The following CACNA2D3 variants were observed in gnomAD, a reference collection of about 807,000 sequenced individuals.
The protein encoded by CACNA2D3 is calcium voltage-gated channel auxiliary subunit alpha2delta 3.
CACNA2D3 carries 60 observed loss-of-function variants against 160.6 expected under a neutral mutation model. The ratio of observed to expected loss-of-function variants is 0.37; its 90% CI spans 0.30 to 0.46. CACNA2D3 has a LOEUF of 0.46. Ranked by LOEUF, CACNA2D3 falls within the 20% of genes least tolerant of loss-of-function variation. CACNA2D3 has a pLI of 1.00. For missense variants in CACNA2D3, 1,205 were observed against 1,365.0 expected (o/e 0.88, Z 1.85); for synonymous variants, 558 against 492.9 (o/e 1.13, Z -1.75).
intron 2 of CACNA2D3, among the ~76,000 whole-genome samples, chr3:54,305,574 A>G (rs1455947288): frequency 6.6e-6 from 1 of 152,270 alleles, no homozygotes; most frequent in Non-Finnish European, 1.5e-5. Flanking sequence ...AGTACACAGG[A>G]TGACTTAGTG....
At chr3:54,462,004 A>G (rs1373203307) in intron 4 of CACNA2D3, among the ~76,000 whole-genome samples, 1 of 152,194 alleles carries the variant, frequency 6.6e-6, no homozygotes, top group African/African-American at 2.4e-5. Context: ...TTCAAAGAAC[A>G]TCTTTATTTC....
intron 31 of CACNA2D3, among the ~76,000 whole-genome samples, chr3:54,989,253 T>C (rs1047421704): frequency 5.3e-5 from 8 of 152,216 alleles, no homozygotes; most frequent in Non-Finnish European, 1.0e-4. Context: ...CTCTCCCTCT[T>C]GGATATTCCT....
intron 11 of CACNA2D3, among the ~76,000 whole-genome samples, chr3:54,676,932 C>G (rs117774786): frequency 6.6e-6 from 1 of 152,024 alleles, no homozygotes; most frequent in Non-Finnish European, 1.5e-5. Context: ...GTCAGATGTC[C>G]GTAATGCATT....
intron 14 of CACNA2D3, among the ~76,000 whole-genome samples, chr3:54,821,279 C>G (rs142150248): frequency 6.6e-6 from 1 of 152,318 alleles, no homozygotes; most frequent in African/African-American, 2.4e-5. Context: ...GCAATTGATG[C>G]ATTCAGGGCT....
chr3:54,948,414 A>G (rs1244276773), intron 27 of CACNA2D3, among the ~76,000 whole-genome samples: 2 of 152,220 alleles, frequency 1.3e-5, no homozygotes, highest in African/African-American at 4.8e-5. Context: ...TCATGGGCAT[A>G]TATGTGTTTG....
At chr3:54,620,712 G>GT (rs1356342044) in intron 9 of CACNA2D3, among the ~76,000 whole-genome samples, 1 of 152,148 alleles carries the variant, frequency 6.6e-6, no homozygotes, top group Non-Finnish European at 1.5e-5. Flanking sequence ...GCATGCTGTA[G>GT]TTTATCAGGG....
chr3:54,304,929 A>T (rs114782771), intron 2 of CACNA2D3, among the ~76,000 whole-genome samples: 3,051 of 151,796 alleles, frequency 0.02, 99 homozygotes, highest in African/African-American at 0.07. Flanking sequence ...TTTTTTAAAC[A>T]TGGCTTTAAT....
At position 54,350,969 on chromosome 3, in the gene CACNA2D3, TTTTTTTTTTTTTGTTTG is replaced by T. The variant is rs1185162513; in HGVS notation, c.321+30424_321+30440del. On this transcript the variant is annotated intron_variant, in intron 3 of 37. Coordinates refer to ENST00000474759, the MANE Select transcript of CACNA2D3 (RefSeq NM_018398.3). ...CTTGGATTTTGAGATCTTGAGTCTGTTTTTTTTTTTTTGTTTGTTTTTTTTTTTTTTTTTTTTGAGAC... is the reference window on the plus strand; with the variant it reads ...CTTGGATTTTGAGATCTTGAGTCTGTTTTTTTTTTTTTTTTTTTTTGAGAC... 4.0e-3 allele frequency among the ~76,000 whole-genome samples: 174 copies of T among 43,722 alleles called. 12 individuals carry two copies. The highest frequency in any genetic ancestry group is 0.011 in the African/African-American group (117 of 11,034). 28.7% of individuals were successfully genotyped at this position (43,722 alleles called of 152,430 possible).
intron 27 of CACNA2D3, among the ~76,000 whole-genome samples, chr3:54,911,399 C>G (rs187828804): frequency 8.1e-6 from 1 of 123,034 alleles, no homozygotes; most frequent in Non-Finnish European, 1.6e-5. Flanking sequence ...ACACGTTTTT[C>G]CCCAGACTGG....
intron 11 of CACNA2D3, among the ~76,000 whole-genome samples, chr3:54,744,719 G>A (rs1162166542): frequency 6.6e-6 from 1 of 152,188 alleles, no homozygotes; most frequent in African/African-American, 2.4e-5. Flanking sequence ...TGGAAGACTT[G>A]GCTTTCCTTG....
At chr3:54,391,795 G>A (rs1699287138) in intron 4 of CACNA2D3, among the ~76,000 whole-genome samples, 1 of 152,172 alleles carries the variant, frequency 6.6e-6, no homozygotes, top group Non-Finnish European at 1.5e-5. Context: ...ATAGGTATGA[G>A]CCACCATGCC....
chr3:54,639,616 T>A (rs1699463549), intron 10 of CACNA2D3: 1 of 248,260 alleles, frequency 4.0e-6, no homozygotes, highest in African/African-American at 2.4e-5. Context: ...GGATTTGAAA[T>A]TGGTGAGATG....
chr3:54,845,335 C>T (rs974800409), intron 16 of CACNA2D3, among the ~76,000 whole-genome samples: 3 of 152,100 alleles, frequency 2.0e-5, no homozygotes, highest in African/African-American at 7.2e-5. Context: ...TTGTCTGGAT[C>T]ATTTAATAGT....
intron 13 of CACNA2D3, among the ~76,000 whole-genome samples, chr3:54,777,034 A>T (rs1443600691): frequency 6.6e-6 from 1 of 152,220 alleles, no homozygotes; most frequent in Non-Finnish European, 1.5e-5. Context: ...TCTTATTACC[A>T]GCATGAAGAA....
At chr3:54,909,585 A>G (rs1411722311) in intron 27 of CACNA2D3, among the ~76,000 whole-genome samples, 2 of 152,094 alleles carry the variant, frequency 1.3e-5, no homozygotes, top group Admixed American at 6.5e-5. Flanking sequence ...TGCAGCTTCA[A>G]ATGCAGCTCA....
chr3:54,786,228 G>A (rs1458240229), intron 13 of CACNA2D3, among the ~76,000 whole-genome samples: 2 of 152,052 alleles, frequency 1.3e-5, no homozygotes, highest in Non-Finnish European at 1.5e-5. Context: ...CTAGAGTAAC[G>A]GTCACTAAAA....
chr3:54,858,665 G>C (rs1018602188), intron 17 of CACNA2D3, among the ~76,000 whole-genome samples: 13 of 152,162 alleles, frequency 8.5e-5, no homozygotes, highest in Non-Finnish European at 1.3e-4. Flanking sequence ...AGTGATGTTA[G>C]ACTTTCCCAA....
chr3:54,149,768 G>T (rs1300411832), intron 2 of CACNA2D3, among the ~76,000 whole-genome samples: 1 of 152,114 alleles, frequency 6.6e-6, no homozygotes, highest in African/African-American at 2.4e-5. Flanking sequence ...GTACCTCCAG[G>T]TTCTCTGAGA....
chr3:54,886,293 A>G (rs1284724445), intron 23 of CACNA2D3, among the ~76,000 whole-genome samples: 2 of 152,252 alleles, frequency 1.3e-5, no homozygotes, highest in Admixed American at 1.3e-4. Flanking sequence ...TAAGGAGATT[A>G]TCCAGCTACT....
Sources: allele counts gnomAD v4.1 joint callset (sites outside exome capture counted in the v4.1 genomes callset), GRCh38; gene constraint gnomAD v4.1.1; transcripts MANE v1.5; gene names NCBI Gene and HGNC (gene_info 2026-07-23, HGNC 2026-07-21).